SPAG16: variants seen among roughly 807,000 people sequenced by gnomAD.
The protein encoded by SPAG16 is sperm associated antigen 16, also known as sperm-associated antigen 16 protein.
Under a neutral mutation model 80.4 loss-of-function variants are expected in SPAG16, and 86 were observed. The ratio of observed to expected loss-of-function variants is 1.07; its 90% CI spans 0.90 to 1.28. SPAG16 has a LOEUF of 1.28. Among genes scored for constraint, SPAG16 ranks in the 50% most tolerant of loss-of-function variants. SPAG16 has a pLI of 0.00. For synonymous variants in SPAG16, 294 were observed against 265.9 expected (o/e 1.11, Z -1.03); for missense variants, 870 against 765.3 (o/e 1.14, Z -1.61).
intron 9 of SPAG16, among the ~76,000 whole-genome samples, chr2:213,421,656 G>A (rs184725113): frequency 1.3e-5 from 2 of 152,276 alleles, no homozygotes; most frequent in African/African-American, 2.4e-5. Context: ...CAATCAGCAC[G>A]TATTTCCCCT....
intron 10 of SPAG16, among the ~76,000 whole-genome samples, chr2:213,765,505 C>T (rs1248596446): frequency 6.6e-6 from 1 of 152,164 alleles, no homozygotes; most frequent in Non-Finnish European, 1.5e-5. Flanking sequence ...CCTCTTGAGT[C>T]TATATGTGTA....
In SPAG16 at chr2:213,490,080, C is replaced by A. The variant is rs2074174884; in HGVS notation, c.1060C>A (p.Pro354Thr). The A allele has an allele frequency of 6.3e-7, 1 of 1,581,130 alleles. No homozygotes were observed. Among genetic ancestry groups the A allele is most frequent in the South Asian group, 1.2e-5 (1 of 84,552 alleles). Residue 354 changes from proline (P) to threonine (T), a missense_variant, in exon 10 of 16, where the codon CCA (proline) becomes ACA (threonine). By Grantham distance (38) the Pro-to-Thr change is conservative. Coordinates refer to ENST00000331683, the MANE Select transcript of SPAG16 (RefSeq NM_024532.5). ...AAACATTTTTAGACTCCATGAACTT[C>A]CAGTGAGCTGGTAGGATTTTTGATG... ...LKNIFRLHELPVSCVSMQPHK... is the reference protein window; with the variant it reads ...LKNIFRLHELTVSCVSMQPHK...
intron 13 of SPAG16, among the ~76,000 whole-genome samples, chr2:214,086,408 T>C (rs931612960): frequency 4.6e-5 from 7 of 152,136 alleles, no homozygotes; most frequent in Non-Finnish European, 8.8e-5. Flanking sequence ...CATGCAAATC[T>C]CATCATGAAT....
intron 15 of SPAG16, among the ~76,000 whole-genome samples, chr2:214,407,090 A>G (rs1359802795): frequency 6.6e-6 from 1 of 152,118 alleles, no homozygotes; most frequent in Admixed American, 6.5e-5. Flanking sequence ...CATTTTTTAC[A>G]TAACAGATGT....
intron 11 of SPAG16, among the ~76,000 whole-genome samples, chr2:213,920,564 T>C (rs11889040): frequency 0.59 from 88,940 of 152,016 alleles, 27,830 homozygotes; most frequent in South Asian, 0.84. Context: ...CCATTGGACC[T>C]CTCTGCCAGT....
At chr2:214,291,594 C>T (rs997997400) in intron 15 of SPAG16, among the ~76,000 whole-genome samples, 2 of 152,212 alleles carry the variant, frequency 1.3e-5, no homozygotes, top group African/African-American at 2.4e-5. Flanking sequence ...CGTGAGCCAC[C>T]GCGCCCGGCC....
chr2:213,741,046 C>T (rs13026978), intron 10 of SPAG16, among the ~76,000 whole-genome samples: 1 of 151,928 alleles, frequency 6.6e-6, no homozygotes, highest in South Asian at 2.1e-4. Flanking sequence ...AGTTATTCAA[C>T]TATTAATTTA....
chr2:213,695,836 A>T (rs900176110), intron 10 of SPAG16, among the ~76,000 whole-genome samples: 4 of 152,236 alleles, frequency 2.6e-5, no homozygotes, highest in African/African-American at 4.8e-5. Flanking sequence ...TAGAAGGTCA[A>T]TCAGGAGCTT....
At chr2:213,749,363 A>G (rs1341936101) in intron 10 of SPAG16, among the ~76,000 whole-genome samples, 1 of 152,170 alleles carries the variant, frequency 6.6e-6, no homozygotes, top group South Asian at 2.1e-4. Flanking sequence ...GGCAGCATAA[A>G]TGAAATTTGA....
At chr2:213,377,664 C>G (rs1174021607) in intron 9 of SPAG16, among the ~76,000 whole-genome samples, 1 of 151,668 alleles carries the variant, frequency 6.6e-6, no homozygotes, top group Non-Finnish European at 1.5e-5. Context: ...TTACTTTTTC[C>G]TCTTACTTTT....
chr2:214,200,198 A>G (rs1371944147), intron 15 of SPAG16, among the ~76,000 whole-genome samples: 3 of 152,200 alleles, frequency 2.0e-5, no homozygotes, highest in African/African-American at 4.8e-5. Flanking sequence ...ACTTTTCCCC[A>G]TTCAGTGTGA....
At chr2:213,921,623 T>C (rs1316819633) in intron 11 of SPAG16, among the ~76,000 whole-genome samples, 1 of 152,228 alleles carries the variant, frequency 6.6e-6, no homozygotes, top group Non-Finnish European at 1.5e-5. Context: ...TGCTTTATAG[T>C]GTCACTGGTT....
intron 11 of SPAG16, among the ~76,000 whole-genome samples, chr2:213,913,683 A>G: frequency 6.7e-6 from 1 of 149,302 alleles, no homozygotes; most frequent in African/African-American, 2.6e-5. Context: ...ATGGATATAT[A>G]TGCATACACA....
intron 10 of SPAG16, among the ~76,000 whole-genome samples, chr2:213,793,820 C>T (rs561908949): frequency 3.9e-5 from 6 of 152,122 alleles, no homozygotes; most frequent in African/African-American, 7.2e-5. Flanking sequence ...TAAAGTATAA[C>T]GTCTTAATAC....
chr2:213,773,036 C>A (rs2069351032), intron 10 of SPAG16, among the ~76,000 whole-genome samples: 1 of 150,086 alleles, frequency 6.7e-6, no homozygotes, highest in Non-Finnish European at 1.5e-5. Context: ...TTCACTAAAG[C>A]CTTTAACATA....
chr2:213,495,308 C>T (rs1359309654), intron 10 of SPAG16, among the ~76,000 whole-genome samples: 1 of 152,190 alleles, frequency 6.6e-6, no homozygotes, highest in African/African-American at 2.4e-5. Context: ...AAGTTCTAAG[C>T]CATGTGATAG....
At chr2:214,004,441 TGGCTTTCA>T (rs1464559090) in intron 12 of SPAG16, among the ~76,000 whole-genome samples, 1 of 152,094 alleles carries the variant, frequency 6.6e-6, no homozygotes, top group African/African-American at 2.4e-5. Flanking sequence ...TTTAAGAGAA[TGGCTTTCA>T]GGTCCTTTGA....
chr2:213,705,271 A>G lies in SPAG16; in HGVS notation c.1071-157214A>G, dbSNP rs547743006. ...TCAAAAATAAGAAAGAAAGAGAGAG[A>G]GAGGGAGGGAGGAAGGGAGGGAGGG... On this transcript the variant is annotated intron_variant, in intron 10 of 15. Transcript: ENST00000331683. Among the ~76,000 whole-genome samples the G allele has an allele frequency of 1.1e-4, 16 of 149,444 alleles. No individual in the cohort carries two copies. In the East Asian group the frequency reaches 1.4e-3, roughly 13 times the overall value.
chr2:213,561,819 A>G (rs2059605762), intron 10 of SPAG16, among the ~76,000 whole-genome samples: 2 of 152,162 alleles, frequency 1.3e-5, no homozygotes, highest in Non-Finnish European at 2.9e-5. Flanking sequence ...CAGCTCTGTT[A>G]TCACATTATG....
Sources: gnomAD v4.1 joint callset for allele counts (sites outside exome capture counted in the v4.1 genomes callset) on GRCh38, gnomAD v4.1.1 for gene constraint, MANE v1.5 for transcripts, NCBI Gene and HGNC (gene_info 2026-07-23, HGNC 2026-07-21) for gene names.